CARNS1: variants seen among roughly 807,000 people sequenced by gnomAD.
CARNS1 encodes carnosine synthase 1, also known as ATP-grasp domain containing 1.
A neutral mutation model predicts 74.0 loss-of-function variants in CARNS1; 61 were observed. That is an observed-to-expected ratio of 0.82 (90% CI 0.67 to 1.02). CARNS1 has a LOEUF of 1.02. CARNS1 is among the 50% of genes least tolerant of loss of function. The pLI is 0.00. For missense variants in CARNS1, 1,278 were observed against 1,308.4 expected (o/e 0.98, Z 0.36); for synonymous variants, 568 against 605.5 (o/e 0.94, Z 0.91).
intron 1 of CARNS1, 191 bp downstream of exon 1, chr11:67,415,954 G>A (rs974518512): frequency 2.0e-6 from 1 of 505,268 alleles, no homozygotes; most frequent in Non-Finnish European, 3.6e-6. Context: ...CGGACCCCAG[G>A]GCAGGAAGGA....
In CARNS1 at chr11:67,423,975, C is replaced by T. The variant is rs1260082868; in HGVS notation, c.2227C>T (p.Arg743Trp). 9.9e-6 allele frequency: 16 copies of T among 1,613,244 alleles called. No individual in the cohort carries two copies. Among genetic ancestry groups the T allele is most frequent in the South Asian group, 5.5e-5 (5 of 91,074 alleles). Residue 743 changes from arginine to tryptophan, a missense_variant, in exon 10 of 10, where the codon CGG (arginine) becomes TGG (tryptophan). Arg to Trp is a moderately radical substitution (Grantham distance 101). Around this residue, in one of 3 missense-constraint regions of CARNS1, gnomAD observed 1,164 missense variants for 1,156.5 expected, o/e 1.01. Transcript: ENST00000687366. The surrounding 1 kb of genome is among the most constrained non-coding windows in gnomAD (Gnocchi z 5.1). ...HDVDLVLFGG[R>W]LLAAFVSDNG... ...CGTGGACCTGGTGTTGTTTGGTGGG[C>T]GGTTGCTGGCTGCCTTTGTCTCCGA... is the stretch of plus-strand genomic sequence containing the variant.
At chr11:67,420,894 GGCGGTGGCT>G in intron 8 of CARNS1, 36 bp from the exon 9 acceptor site, 1 of 1,331,316 alleles carries the variant, frequency 7.5e-7, no homozygotes, top group Non-Finnish European at 9.6e-7. Flanking sequence ...GGGGCTGGAG[GGCGGTGGCT>G]GCCGTAGCTG....
chr11:67,419,893 C>T (rs1360978481), intron 7 of CARNS1, 55 bp downstream of exon 7: 2 of 1,528,818 alleles, frequency 1.3e-6, no homozygotes, highest in African/African-American at 1.4e-5. Flanking sequence ...CCAGCCCAGT[C>T]CCAGTAGTGG....
In CARNS1 at chr11:67,420,997, G is replaced by A; in HGVS notation, c.1404G>A (p.Leu468=). ...TGCTGACCCCAGTGGCCCTGGAGCT[G>A]AACGGCGGCCTGTGTCTGGAGGCGT... ...GGVLTPVALE[L]NGGLCLEACG... is the part of the protein sequence containing the mutation. Residue 468 remains leucine, a synonymous_variant, in exon 9 of 10, where the codon CTG becomes CTA. Coordinates refer to ENST00000687366, the MANE Select transcript of CARNS1 (RefSeq NM_001166222.2). 1 of 1,422,538 alleles carries A rather than the reference G, an allele frequency of 7.0e-7. No individual in the cohort carries two copies. The highest frequency in any genetic ancestry group is 9.2e-7 in the Non-Finnish European group (1 of 1,091,216). 88.1% of individuals were successfully genotyped at this position (1,422,538 alleles called of 1,614,324 possible).
intron 7 of CARNS1, 98 bp from the exon 8 acceptor site, chr11:67,420,511 C>A: frequency 1.5e-6 from 1 of 681,954 alleles, no homozygotes; most frequent in South Asian, 7.8e-5. Context: ...CTTGAATGTC[C>A]AGTGAGGGGT....
In CARNS1 at chr11:67,425,099, C is replaced by A; in HGVS notation, c.*498C>A. The A allele has an allele frequency of 2.2e-6, 1 of 457,414 alleles. No individual in the cohort carries two copies. Among genetic ancestry groups the A allele is most frequent in the East Asian group, 6.9e-5 (1 of 14,436 alleles). 28.3% of individuals were successfully genotyped at this position (457,414 alleles called of 1,614,324 possible). A position where few individuals can be genotyped will look rare whatever the true frequency, so the allele number is the denominator to read the frequency against. On this transcript the variant is annotated 3_prime_UTR_variant, in exon 10 of 10. Transcript: ENST00000687366. ...GGATAGCTCTGAAGCCTGCTGGAAA[C>A]TTGGTGGCATCCAACCTGCCTCATT...
intron 3 of CARNS1, among the ~76,000 whole-genome samples, 181 bp from the exon 4 acceptor site, chr11:67,418,250 A>C (rs1590957341): frequency 6.6e-6 from 1 of 152,278 alleles, no homozygotes; most frequent in East Asian, 1.9e-4. Context: ...AGAAAGGGGA[A>C]ACCAGCTTCA....
chr11:67,420,961 G>C lies in CARNS1; in HGVS notation c.1368G>C (p.Ala456=). The change falls in exon 9 of 10, where the codon GCG becomes GCC. Residue 456 remains alanine (A), a synonymous_variant. Coordinates refer to ENST00000687366, the MANE Select transcript of CARNS1 (RefSeq NM_001166222.2). ...DFLGVDFALT[A]AGGVLTPVAL... The stretch of plus-strand genomic sequence containing the variant: ...CAGGCGTGGATTTCGCGCTGACAGC[G>C]GCCGGCGGCGTGCTGACCCCAGTGG... The C allele has an allele frequency of 7.0e-7, 1 of 1,423,680 alleles. No homozygotes were observed. The highest frequency in any genetic ancestry group is 1.4e-5 in the South Asian group (1 of 72,986). The allele number at this position is 1,423,680 out of a possible 1,614,324, so 88.2% of individuals were successfully genotyped here. A position where few individuals can be genotyped will look rare whatever the true frequency, so the allele number is the denominator to read the frequency against.
Position 67,424,231 on chromosome 11 carries a change from A to G in CARNS1, c.2483A>G (p.Glu828Gly). The G allele has an allele frequency of 6.2e-7, 1 of 1,613,356 alleles. No homozygotes were observed. ...TTCTACCTGCGTGATTGGATCCTGG[A>G]GCTCTATGGTGTTGACCTGCTGCTG... ...GGFYLRDWIL[E>G]LYGVDLLLAA... Residue 828 changes from glutamate to glycine, a missense_variant, in exon 10 of 10, where the codon GAG (glutamate) becomes GGG (glycine). Physicochemically the swap from Glu to Gly is moderately conservative, Grantham distance 98. Coordinates refer to ENST00000687366, the MANE Select transcript of CARNS1 (RefSeq NM_001166222.2).
At position 67,420,987 on chromosome 11, in the gene CARNS1, C is replaced by A; in HGVS notation, c.1394C>A (p.Ala465Asp). 1 of 1,425,426 alleles carries A rather than the reference C, an allele frequency of 7.0e-7. No homozygotes were observed. Among genetic ancestry groups the A allele is most frequent in the Non-Finnish European group, 9.2e-7 (1 of 1,092,540 alleles). The allele number at this position is 1,425,426 out of a possible 1,614,324, so 88.3% of individuals were successfully genotyped here. ...GCCGGCGGCGTGCTGACCCCAGTGG[C>A]CCTGGAGCTGAACGGCGGCCTGTGT... ...TAAGGVLTPVALELNGGLCLE... is the reference protein window; with the variant it reads ...TAAGGVLTPVDLELNGGLCLE... Residue 465 changes from alanine to aspartate, a missense_variant, in exon 9 of 10, where the codon GCC becomes GAC. By Grantham distance (126) the Ala-to-Asp change is moderately radical (BLOSUM62 -2). Around this residue, in one of 3 missense-constraint regions of CARNS1, gnomAD observed 1,164 missense variants for 1,156.5 expected, o/e 1.01. Transcript: ENST00000687366.
chr11:67,419,171 G>C lies in CARNS1; in HGVS notation c.780G>C (p.Glu260Asp). Reference sequence around the variant, plus strand: ...GGCTGGTGGAGCTGAGTGGCAAAGAGGGCCAGGAGACGCTGGTGAAAGAGG... The same window carrying C: ...GGCTGGTGGAGCTGAGTGGCAAAGACGGCCAGGAGACGCTGGTGAAAGAGG... ...GLRLVELSGK[E>D]GQETLVKEEV... The change falls in exon 5 of 10, where the codon GAG (glutamate) becomes GAC (aspartate). Residue 260 changes from glutamate to aspartate, a missense_variant. By Grantham distance (45) the Glu-to-Asp change is conservative. Transcript: ENST00000687366. The C allele has an allele frequency of 6.5e-7, 1 of 1,541,892 alleles. No individual in the cohort carries two copies. The highest frequency in any genetic ancestry group is 8.8e-7 in the Non-Finnish European group (1 of 1,139,832).
intron 2 of CARNS1, chr11:67,417,094 G>T: frequency 8.9e-7 from 1 of 1,126,492 alleles, no homozygotes; most frequent in African/African-American, 1.6e-5. Flanking sequence ...AAAACAAGCA[G>T]AAAACTCTGC....
At chr11:67,421,340 C>T in intron 9 of CARNS1, 121 bp downstream of exon 9, 2 of 1,147,174 alleles carry the variant, frequency 1.7e-6, no homozygotes, top group Non-Finnish European at 2.3e-6. Context: ...GCGCTAGAGG[C>T]GGTGCTTGGG....
At chr11:67,415,967 T>C (rs930077670) in intron 1 of CARNS1, 115 of 499,378 alleles carry the variant, frequency 2.3e-4, no homozygotes, top group Non-Finnish European at 3.6e-4. Context: ...AGGAAGGACC[T>C]GTGAGCCGCA....
At chr11:67,422,946 C>T (rs994674408) in intron 9 of CARNS1, among the ~76,000 whole-genome samples, 4 of 152,234 alleles carry the variant, frequency 2.6e-5, no homozygotes, top group Non-Finnish European at 5.9e-5. Flanking sequence ...AGTGTCAGAG[C>T]ACATGGGGTG....
rs1405750924 is a variant in CARNS1 at position 67,420,733 on chromosome 11, A to G, written c.1238A>G (p.Gln413Arg). ...GAGGCGCAGGTGGCGGCTGTGCGGC[A>G]GCGCGTCAAGGCGGCGGCCGAGGCC... ...GEEAQVAAVR[Q>R]RVKAAAEAAL... Residue 413 changes from glutamine to arginine, a missense_variant, in exon 8 of 10, where the codon CAG becomes CGG. Coordinates refer to ENST00000687366, the MANE Select transcript of CARNS1 (RefSeq NM_001166222.2). The G allele has an allele frequency of 1.6e-6, 2 of 1,258,084 alleles. No homozygotes were observed. The highest frequency in any genetic ancestry group is 2.0e-6 in the Non-Finnish European group (2 of 1,005,324). 77.9% of individuals were successfully genotyped at this position (1,258,084 alleles called of 1,614,324 possible). A position where few individuals can be genotyped will look rare whatever the true frequency, so the allele number is the denominator to read the frequency against.
At position 67,424,491 on chromosome 11, in the gene CARNS1, G is replaced by A. The variant is rs755942287; in HGVS notation, c.2743G>A (p.Ala915Thr). Reference protein sequence around the residue: ...YEEPYCSVACAGPSPTEARLR... With the variant: ...YEEPYCSVACTGPSPTEARLR... The stretch of plus-strand genomic sequence containing the variant: ...GGAGCCCTACTGCAGTGTGGCCTGT[G>A]CCGGACCCAGCCCCACCGAGGCCCG... Residue 915 changes from alanine (A) to threonine (T), a missense_variant, in exon 10 of 10, where the codon GCC becomes ACC. This residue lies in a region of CARNS1 where 1,164 missense variants were observed against 1,156.5 expected (regional missense o/e 1.01). Transcript: ENST00000687366. 9.5e-6 allele frequency: 15 copies of A among 1,586,690 alleles called. No homozygotes were observed. Among genetic ancestry groups the A allele is most frequent in the Non-Finnish European group, 1.3e-5 (15 of 1,168,150 alleles).
rs61743297 is a variant in CARNS1 at position 67,418,948 on chromosome 11, G to C, written c.557G>C (p.Gly186Ala). ...GGCCTGGGCCTGGGGCCTGGCCGGG[G>C]CCGAGAGGCAGCAGAACTCGCCCGT... ...LAGLGLGPGR[G>A]REAAELARDL... Residue 186 changes from glycine (G) to alanine (A), a missense_variant, in exon 5 of 10, where the codon GGC (glycine) becomes GCC (alanine). Transcript: ENST00000687366. 1.2e-4 allele frequency: 185 copies of C among 1,575,510 alleles called. 2 individuals carry two copies. In the South Asian group the frequency reaches 2.0e-3, roughly 17 times the overall value.
chr11:67,424,300 C>G lies in CARNS1; in HGVS notation c.2552C>G (p.Thr851Ser). Reference protein sequence around the residue: ...VACGLRPALPTRPRARGHLVG... With the variant: ...VACGLRPALPSRPRARGHLVG... ...TGTGGCTTGCGTCCTGCCCTGCCCA[C>G]CCGCCCACGTGCTCGTGGCCATCTG... The change falls in exon 10 of 10, where the codon ACC becomes AGC. Residue 851 changes from threonine to serine, a missense_variant. Coordinates refer to ENST00000687366, the MANE Select transcript of CARNS1 (RefSeq NM_001166222.2). 1 of 1,612,150 alleles carries G rather than the reference C, an allele frequency of 6.2e-7. No individual in the cohort carries two copies. The highest frequency in any genetic ancestry group is 8.5e-7 in the Non-Finnish European group (1 of 1,179,534).
Sources: allele counts gnomAD v4.1 joint callset (sites outside exome capture counted in the v4.1 genomes callset), GRCh38; gene constraint gnomAD v4.1.1; regional missense constraint gnomAD v4.1.1; non-coding constraint Gnocchi (gnomAD v3.1); transcripts MANE v1.5; gene names NCBI Gene and HGNC (gene_info 2026-07-23, HGNC 2026-07-21).